Variants in PABPC4L observed in about 807,000 individuals in gnomAD.
The protein encoded by PABPC4L is polyadenylate-binding protein 4-like.
For synonymous variants in PABPC4L, 169 were observed against 164.1 expected (o/e 1.03, Z -0.23); for missense variants, 452 against 451.4 (o/e 1.00, Z -0.01).
the PABPC4L span, among the ~76,000 whole-genome samples, chr4:134,018,619 T>C: frequency 1.3e-5 from 2 of 152,152 alleles, no homozygotes; most frequent in African/African-American, 4.8e-5. Context: ...TGGATATCTA[T>C]GGATACAAAG....
At chr4:134,172,970 C>T in the PABPC4L span, among the ~76,000 whole-genome samples, 1 of 151,564 alleles carries the variant, frequency 6.6e-6, no homozygotes, top group Non-Finnish European at 1.5e-5. Flanking sequence ...TGTTCAACAT[C>T]ATTAATCATT....
the PABPC4L span, among the ~76,000 whole-genome samples, chr4:134,096,042 A>G: frequency 1.3e-5 from 2 of 152,024 alleles, no homozygotes; most frequent in Non-Finnish European, 2.9e-5. Flanking sequence ...TCATTGCTTC[A>G]TGAGGCCAGG....
chr4:133,953,557 A>G, the PABPC4L span, among the ~76,000 whole-genome samples: 1 of 152,304 alleles, frequency 6.6e-6, no homozygotes, highest in African/African-American at 2.4e-5. Flanking sequence ...GAGCCTCTGC[A>G]GAAACTCAGA....
the PABPC4L span, among the ~76,000 whole-genome samples, chr4:133,962,854 C>A: frequency 6.6e-6 from 1 of 152,118 alleles, no homozygotes; most frequent in East Asian, 1.9e-4. Context: ...CTAAAAGGAG[C>A]TCTAAATCTT....
At chr4:134,155,151 C>A in the PABPC4L span, among the ~76,000 whole-genome samples, 1 of 151,934 alleles carries the variant, frequency 6.6e-6, no homozygotes, top group Admixed American at 6.6e-5. Flanking sequence ...TCAAAGAAAG[C>A]AAAATACAAT....
the PABPC4L span, among the ~76,000 whole-genome samples, chr4:134,174,803 G>A: frequency 6.6e-6 from 1 of 151,882 alleles, no homozygotes; most frequent in Non-Finnish European, 1.5e-5. Context: ...AAGATGACCA[G>A]AAATTTTTTA....
the PABPC4L span, among the ~76,000 whole-genome samples, chr4:134,094,306 C>CAAT: frequency 2.6e-5 from 4 of 151,864 alleles, no homozygotes; most frequent in East Asian, 7.7e-4. Context: ...CCCCATGCAG[C>CAAT]AATAGAGGAT....
At chr4:134,116,087 C>G in the PABPC4L span, among the ~76,000 whole-genome samples, 1 of 151,790 alleles carries the variant, frequency 6.6e-6, no homozygotes, top group African/African-American at 2.4e-5. Context: ...GAGGGTCCCA[C>G]TTTCAGAAAT....
the PABPC4L span, among the ~76,000 whole-genome samples, chr4:134,167,829 T>C: frequency 6.6e-6 from 1 of 152,088 alleles, no homozygotes; most frequent in Non-Finnish European, 1.5e-5. Flanking sequence ...TAGGCCCCAA[T>C]ACAGTAATAG....
At chr4:134,164,791 A>G in the PABPC4L span, among the ~76,000 whole-genome samples, 1 of 152,156 alleles carries the variant, frequency 6.6e-6, no homozygotes, top group Admixed American at 6.6e-5. Context: ...ATTCATATGG[A>G]TCAGGAAAGA....
At chr4:133,969,525 A>T in the PABPC4L span, among the ~76,000 whole-genome samples, 2 of 152,156 alleles carry the variant, frequency 1.3e-5, no homozygotes, top group Admixed American at 1.3e-4. Context: ...ACATTATTCC[A>T]TAAAAACAAC....
chr4:134,052,433 A>T, the PABPC4L span, among the ~76,000 whole-genome samples: 1 of 152,170 alleles, frequency 6.6e-6, no homozygotes, highest in Non-Finnish European at 1.5e-5. Context: ...TTCATCAAGT[A>T]CTTCCAGTCA....
At chr4:134,143,633 A>G in the PABPC4L span, among the ~76,000 whole-genome samples, 1 of 151,298 alleles carries the variant, frequency 6.6e-6, no homozygotes, top group East Asian at 1.9e-4. Flanking sequence ...TTATTGGCAT[A>G]AAGTAAATTG....
the PABPC4L span, among the ~76,000 whole-genome samples, chr4:133,999,844 A>G: frequency 6.6e-6 from 1 of 152,160 alleles, no homozygotes; most frequent in African/African-American, 2.4e-5. Context: ...CTGCCCAGGG[A>G]TGAAGGGAAA....
At chr4:134,175,453 T>C in the PABPC4L span, among the ~76,000 whole-genome samples, 16 of 152,124 alleles carry the variant, frequency 1.1e-4, no homozygotes, top group Admixed American at 2.6e-4. Context: ...ATCAATCAAT[T>C]AATTAATTAA....
At chr4:134,022,872 T>C in the PABPC4L span, among the ~76,000 whole-genome samples, 25 of 152,186 alleles carry the variant, frequency 1.6e-4, no homozygotes, top group African/African-American at 5.5e-4. Context: ...TATTTTTTAA[T>C]ATTTTAGTCT....
downstream of PABPC4L, among the ~76,000 whole-genome samples, chr4:134,193,952 T>C (rs144348751): frequency 3.0e-3 from 461 of 152,064 alleles, 3 homozygotes; most frequent in African/African-American, 0.011. Context: ...CATGCTTTTA[T>C]AGTCACCTGT....
At chr4:134,029,565 T>C in the PABPC4L span, among the ~76,000 whole-genome samples, 1 of 152,182 alleles carries the variant, frequency 6.6e-6, no homozygotes, top group African/African-American at 2.4e-5. Context: ...TTTGCTTAGC[T>C]AGATATACAG....
At chr4:134,174,407 C>T in the PABPC4L span, among the ~76,000 whole-genome samples, 2 of 152,140 alleles carry the variant, frequency 1.3e-5, no homozygotes, top group South Asian at 4.1e-4. Flanking sequence ...ATTGTATGTG[C>T]TATACTTTTA....
Sources: gnomAD v4.1 joint callset for allele counts (sites outside exome capture counted in the v4.1 genomes callset) on GRCh38, gnomAD v4.1.1 for gene constraint, MANE v1.5 for transcripts, NCBI Gene and HGNC (gene_info 2026-07-23, HGNC 2026-07-21) for gene names.